The following CNTRL variants were observed in gnomAD, a reference collection of about 807,000 sequenced individuals.
CNTRL encodes the protein 110 kDa centrosomal protein.
In CNTRL, 233 loss-of-function variants were observed where a neutral mutation model predicts 303.7. The ratio of observed to expected loss-of-function variants is 0.77; its 90% confidence interval spans 0.69 to 0.86. The LOEUF (loss-of-function observed/expected upper bound fraction) is 0.86, where lower values mean the gene tolerates loss of function less well. Among genes scored for constraint, CNTRL ranks in the 40% least tolerant of loss-of-function variants. The pLI is 0.00. For missense variants in CNTRL, 2,524 were observed against 2,650.6 expected (o/e 0.95, Z 1.05); for synonymous variants, 900 against 922.2 (o/e 0.98, Z 0.44).
chr9:121,127,213 A>G (rs2050580302), intron 14 of CNTRL, among the ~76,000 whole-genome samples: 1 of 152,116 alleles, frequency 6.6e-6, no homozygotes, highest in Non-Finnish European at 1.5e-5. Context: ...GACATACCAC[A>G]AATTTATTAT....
chr9:121,175,206 TCAA>T lies in CNTRL; in HGVS notation c.6938_6940del (p.Gln2313del). On this transcript the variant is annotated inframe_deletion, in exon 43 of 44. Coordinates refer to ENST00000373855, the MANE Select transcript of CNTRL (RefSeq NM_007018.6). ...TGGAGTCTTCCCTCACAGAGGACTC[TCAA>T]CTTGGACAAAATCAGGTAAGCAGCA... 3 of 1,614,058 alleles carry T rather than the reference TCAA, an allele frequency of 1.9e-6. No homozygotes were observed. The highest frequency in any genetic ancestry group is 2.5e-6 in the Non-Finnish European group (3 of 1,179,972).
intron 42 of CNTRL, 96 bp from the exon 43 acceptor site, chr9:121,174,922 A>T: frequency 9.2e-7 from 1 of 1,081,644 alleles, no homozygotes; most frequent in Non-Finnish European, 1.4e-6. Context: ...TCCTACTGTT[A>T]GCCAGATTTG....
At position 121,094,989 on chromosome 9, in the gene CNTRL, T is replaced by C; in HGVS notation, c.450T>C (p.Arg150=). The C allele has an allele frequency of 1.9e-6, 3 of 1,608,328 alleles. No homozygotes were observed. The highest frequency in any genetic ancestry group is 2.5e-6 in the Non-Finnish European group (3 of 1,177,294). ...AGTTGGACAAGCTGTTAAAATTACG[T>C]GAACTCAACTTATCATATAACAAAA... ...IEKLDKLLKL[R]ELNLSYNKIS... The change falls in exon 5 of 44, where the codon CGT becomes CGC. Residue 150 remains arginine, a synonymous_variant. Coordinates refer to ENST00000373855, the MANE Select transcript of CNTRL (RefSeq NM_007018.6).
chr9:121,173,102 AAAAATCACAAG>A, intron 40 of CNTRL, 130 bp from the exon 41 acceptor site: 2 of 747,704 alleles, frequency 2.7e-6, no homozygotes, highest in Non-Finnish European at 4.2e-6. Flanking sequence ...TGAGTATCTG[AAAAATCACAAG>A]TTTTTACAGT....
intron 8 of CNTRL, among the ~76,000 whole-genome samples, chr9:121,110,198 T>G: frequency 6.6e-6 from 1 of 152,134 alleles, no homozygotes; most frequent in East Asian, 1.9e-4. Context: ...AAATTTACTC[T>G]TTGTCCTTTT....
chr9:121,151,384 C>CTTTTTTTTTTTTTTTTTTTTTT (rs200247383), intron 25 of CNTRL, among the ~76,000 whole-genome samples: 19 of 91,512 alleles, frequency 2.1e-4, no homozygotes, highest in East Asian at 9.0e-4. Context: ...CTTTTTTCTT[C>CTTTTTTTTTTTTTTTTTTTTTT]TTCTTTTTTT....
chr9:121,158,616 T>C, intron 30 of CNTRL: 1 of 425,798 alleles, frequency 2.3e-6, no homozygotes, highest in Non-Finnish European at 4.2e-6. Context: ...ACCTGAGGGA[T>C]GATCATGATT....
intron 34 of CNTRL, among the ~76,000 whole-genome samples, chr9:121,163,935 G>A (rs1290219236): frequency 6.6e-6 from 1 of 150,892 alleles, no homozygotes; most frequent in Non-Finnish European, 1.5e-5. Context: ...CGCTATCTTG[G>A]CTCACTGCAA....
intron 3 of CNTRL, among the ~76,000 whole-genome samples, chr9:121,088,913 G>C (rs1488545565): frequency 2.6e-5 from 4 of 152,268 alleles, no homozygotes; most frequent in Non-Finnish European, 5.9e-5. Context: ...GCCTATGCCA[G>C]TCTTCTTATT....
At chr9:121,122,470 A>G in intron 12 of CNTRL, 1 of 846,088 alleles carries the variant, frequency 1.2e-6, no homozygotes, top group Non-Finnish European at 1.4e-6. Context: ...TTATAATCAC[A>G]TGGGTCTTAG....
chr9:121,107,012 G>A (rs1390210899), intron 7 of CNTRL, among the ~76,000 whole-genome samples: 1 of 152,050 alleles, frequency 6.6e-6, no homozygotes, highest in Non-Finnish European at 1.5e-5. Flanking sequence ...TGACGCTTTA[G>A]TGGGGAAAGG....
intron 25 of CNTRL, chr9:121,150,717 C>G (rs1422094507): frequency 2.1e-6 from 1 of 478,318 alleles, no homozygotes; most frequent in Non-Finnish European, 3.6e-6. Flanking sequence ...TTGCTTGAGC[C>G]TAGGAATTCA....
chr9:121,128,852 C>G (rs1375705013), intron 14 of CNTRL, among the ~76,000 whole-genome samples: 1 of 149,492 alleles, frequency 6.7e-6, no homozygotes, highest in Non-Finnish European at 1.5e-5. Context: ...TTTCAGCTTT[C>G]TACATATGGC....
intron 40 of CNTRL, among the ~76,000 whole-genome samples, chr9:121,172,976 T>C (rs189296471): frequency 5.8e-4 from 88 of 152,314 alleles, no homozygotes; most frequent in African/African-American, 1.9e-3. Context: ...TCCAAAGAGA[T>C]TGTCTTCTAT....
intron 27 of CNTRL, 98 bp downstream of exon 27, chr9:121,155,011 C>A (rs2052491336): frequency 1.8e-6 from 2 of 1,091,260 alleles, no homozygotes; most frequent in South Asian, 1.3e-5. Context: ...GATAAGAGGA[C>A]AGTTGTCCAA....
chr9:121,155,815 C>T (rs2052539828), intron 27 of CNTRL, among the ~76,000 whole-genome samples: 1 of 152,162 alleles, frequency 6.6e-6, no homozygotes, highest in African/African-American at 2.4e-5. Context: ...GGCCCAGAGT[C>T]ACATAGCCAA....
At chr9:121,160,451 A>ATCT in intron 32 of CNTRL, 149 bp downstream of exon 32, 4 of 482,934 alleles carry the variant, frequency 8.3e-6, no homozygotes, top group Non-Finnish European at 1.4e-5. Context: ...AAGGAATATG[A>ATCT]TATTTTCTGC....
At chr9:121,171,704 T>C in intron 40 of CNTRL, 156 bp downstream of exon 40, 2 of 590,024 alleles carry the variant, frequency 3.4e-6, no homozygotes, top group Non-Finnish European at 5.5e-6. Context: ...AGCCTTAAAA[T>C]TTAGAAACAC....
chr9:121,097,505 G>C (rs1000856894), intron 6 of CNTRL, among the ~76,000 whole-genome samples: 2 of 152,122 alleles, frequency 1.3e-5, no homozygotes, highest in Admixed American at 1.3e-4. Flanking sequence ...CACCAGTGGA[G>C]GCCAATAATA....
Sources: gnomAD v4.1 joint callset for allele counts (sites outside exome capture counted in the v4.1 genomes callset) on GRCh38, gnomAD v4.1.1 for gene constraint, MANE v1.5 for transcripts, NCBI Gene and HGNC (gene_info 2026-07-23, HGNC 2026-07-21) for gene names.